CNTNAP2: variants seen among roughly 807,000 people sequenced by gnomAD.
CNTNAP2 encodes the protein contactin-associated protein-like 2.
Under a neutral mutation model 155.2 loss-of-function variants are expected in CNTNAP2, and 98 were observed. The ratio of observed to expected loss-of-function variants is 0.63; its 90% confidence interval spans 0.54 to 0.75. The LOEUF is 0.75. CNTNAP2 is among the 30% of genes least tolerant of loss of function. CNTNAP2 has a pLI of 0.00. For synonymous variants in CNTNAP2, 651 were observed against 631.2 expected, an observed-to-expected ratio of 1.03 and a Z score of -0.47; for missense variants, 1,727 against 1,688.1, an observed-to-expected ratio of 1.02 and a Z score of -0.40.
At chr7:147,938,422 G>A (rs931572066) in intron 14 of CNTNAP2, among the ~76,000 whole-genome samples, 5 of 151,962 alleles carry the variant, frequency 3.3e-5, no homozygotes, top group African/African-American at 4.8e-5. Context: ...GAGGAAACAC[G>A]AAGAATTAAT....
chr7:147,747,128 C>T (rs574979867), intron 13 of CNTNAP2, among the ~76,000 whole-genome samples: 43 of 152,244 alleles, frequency 2.8e-4, no homozygotes, highest in African/African-American at 7.5e-4. Flanking sequence ...ATGAACTCAC[C>T]GACCGCCTCT....
At chr7:146,158,323 G>A (rs1237369521) in intron 1 of CNTNAP2, among the ~76,000 whole-genome samples, 1 of 152,202 alleles carries the variant, frequency 6.6e-6, no homozygotes, top group East Asian at 1.9e-4. Context: ...AAAAATCAGA[G>A]CGCCTCTTCT....
chr7:147,373,504 A>G (rs1199046959), intron 9 of CNTNAP2, among the ~76,000 whole-genome samples: 2 of 152,054 alleles, frequency 1.3e-5, no homozygotes, highest in Non-Finnish European at 2.9e-5. Context: ...TACTGGTTAA[A>G]TTATTTTGAC....
rs182671753 is a variant in CNTNAP2, at chr7:148,395,946, G to A, written c.3715+12058G>A. ...ACCTTTCTTTCCCTTCATCCCCTAC[G>A]ATAGATTTTGAACCCCAGGGAGGTT... On this transcript the variant is annotated intron_variant, in intron 22 of 23. Transcript: ENST00000361727. Among the ~76,000 whole-genome samples, 29 of 152,016 alleles carry A rather than the reference G, an allele frequency of 1.9e-4. No individual in the cohort carries two copies. The South Asian group carries it at 2.1e-3, about 11-fold the overall frequency.
intron 8 of CNTNAP2, among the ~76,000 whole-genome samples, chr7:147,157,147 T>C (rs1408999522): frequency 2.6e-5 from 4 of 152,082 alleles, no homozygotes; most frequent in Admixed American, 2.6e-4. Context: ...CATATATTTC[T>C]TGGTAACCAG....
At chr7:147,643,807 A>C (rs984600775) in intron 13 of CNTNAP2, among the ~76,000 whole-genome samples, 1 of 152,294 alleles carries the variant, frequency 6.6e-6, no homozygotes, top group East Asian at 1.9e-4. Flanking sequence ...AATGATACTT[A>C]TGATAAAGAG....
chr7:146,188,957 G>A (rs1167768458), intron 1 of CNTNAP2, among the ~76,000 whole-genome samples: 2 of 152,080 alleles, frequency 1.3e-5, no homozygotes, highest in East Asian at 1.9e-4. Flanking sequence ...TGGAGGGAGG[G>A]CCTGAGCTTC....
At chr7:146,841,002 T>C (rs1385622085) in intron 3 of CNTNAP2, among the ~76,000 whole-genome samples, 1 of 152,206 alleles carries the variant, frequency 6.6e-6, no homozygotes, top group Non-Finnish European at 1.5e-5. Context: ...CTTTCTAAAA[T>C]GTCTTCATCT....
intron 13 of CNTNAP2, among the ~76,000 whole-genome samples, chr7:147,665,013 G>T (rs851734): frequency 6.6e-6 from 1 of 152,112 alleles, no homozygotes; most frequent in East Asian, 1.9e-4. Flanking sequence ...ATTTACAGAG[G>T]TATGTGTAAG....
At chr7:147,479,482 G>C (rs1798383528) in intron 10 of CNTNAP2, among the ~76,000 whole-genome samples, 1 of 152,212 alleles carries the variant, frequency 6.6e-6, no homozygotes, top group Non-Finnish European at 1.5e-5. Flanking sequence ...TCAACCTGGA[G>C]ACAGATGAAT....
At chr7:147,745,895 A>G (rs1038196089) in intron 13 of CNTNAP2, among the ~76,000 whole-genome samples, 5 of 152,232 alleles carry the variant, frequency 3.3e-5, no homozygotes, top group Non-Finnish European at 7.3e-5. Context: ...TTCCAAGTAC[A>G]GGAATCTTTA....
intron 15 of CNTNAP2, among the ~76,000 whole-genome samples, chr7:148,083,768 T>C (rs936045937): frequency 6.6e-6 from 1 of 152,204 alleles, no homozygotes; most frequent in African/African-American, 2.4e-5. Flanking sequence ...TCACACTTTC[T>C]GCAAAAGTGC....
intron 1 of CNTNAP2, among the ~76,000 whole-genome samples, chr7:146,216,785 C>G (rs1799121494): frequency 6.6e-6 from 1 of 152,178 alleles, no homozygotes; most frequent in African/African-American, 2.4e-5. Flanking sequence ...AATAGCAGTT[C>G]TATTAAAGTG....
chr7:148,203,901 G>C (rs552256448), intron 18 of CNTNAP2, among the ~76,000 whole-genome samples: 14 of 152,180 alleles, frequency 9.2e-5, no homozygotes, highest in Non-Finnish European at 2.1e-4. Context: ...TCCTGGGCCT[G>C]ACCACCTCTT....
intron 3 of CNTNAP2, among the ~76,000 whole-genome samples, chr7:147,020,064 A>C (rs897718651): frequency 6.6e-6 from 1 of 152,130 alleles, no homozygotes; most frequent in Non-Finnish European, 1.5e-5. Context: ...ACAGTATATT[A>C]GTATAGTATA....
chr7:146,517,120 C>T (rs1797552957), intron 1 of CNTNAP2, among the ~76,000 whole-genome samples: 1 of 151,920 alleles, frequency 6.6e-6, no homozygotes, highest in African/African-American at 2.4e-5. Context: ...CCATACAGAC[C>T]ATAAATCATC....
intron 1 of CNTNAP2, among the ~76,000 whole-genome samples, chr7:146,305,930 A>G (rs1195643654): frequency 4.6e-5 from 7 of 152,086 alleles, no homozygotes; most frequent in African/African-American, 1.7e-4. Flanking sequence ...GACACAAAAT[A>G]CCCTTCAAAA....
At chr7:146,785,371 T>C (rs529483359) in intron 2 of CNTNAP2, among the ~76,000 whole-genome samples, 74 of 152,338 alleles carry the variant, frequency 4.9e-4, no homozygotes, top group African/African-American at 1.7e-3. Flanking sequence ...ATCAGAAATA[T>C]TCATTTTAAA....
chr7:147,782,516 C>T (rs1176557395), intron 13 of CNTNAP2, among the ~76,000 whole-genome samples: 1 of 152,182 alleles, frequency 6.6e-6, no homozygotes, highest in Non-Finnish European at 1.5e-5. Flanking sequence ...CCACTCTCTA[C>T]TTTACAGATA....
Sources: allele counts gnomAD v4.1 joint callset (sites outside exome capture counted in the v4.1 genomes callset), GRCh38; gene constraint gnomAD v4.1.1; transcripts MANE v1.5; gene names NCBI Gene and HGNC (gene_info 2026-07-23, HGNC 2026-07-21).